Variants in SYNE1 observed in about 807,000 individuals in gnomAD.
The protein encoded by SYNE1 is nesprin-1.
A neutral mutation model predicts 1,111.0 loss-of-function variants in SYNE1; 616 were observed. The ratio of observed to expected loss-of-function variants is 0.55; its 90% confidence interval spans 0.52 to 0.59. The LOEUF (loss-of-function observed/expected upper bound fraction) is 0.59, where lower values mean the gene tolerates loss of function less well. Among genes scored for constraint, SYNE1 ranks in the 20% least tolerant of loss-of-function variants. SYNE1 has a pLI of 0.00. For missense variants in SYNE1, 10,006 were observed against 10,417.0 expected (o/e 0.96, Z 1.72); for synonymous variants, 3,855 against 3,825.8 (o/e 1.01, Z -0.28).
At chr6:152,395,490 G>A in intron 51 of SYNE1, 26 bp downstream of exon 51, 1 of 1,607,620 alleles carries the variant, frequency 6.2e-7, no homozygotes, top group Non-Finnish European at 8.5e-7. Context: ...AAGAGGTAAA[G>A]GACCTGTTCC....
chr6:152,502,663 G>A lies in SYNE1; in HGVS notation c.858C>T (p.His286=). ...AQFLKHYPDI[H]NASTDGQEDD... is the part of the protein sequence containing the mutation. The stretch of plus-strand genomic sequence containing the variant: ...CCTCTTGCCCATCAGTGCTTGCATT[G>A]TGGATGTCAGGATAATGTTTCAGAA... The change falls in exon 10 of 146, where the codon CAC becomes CAT. Residue 286 remains histidine (H), a synonymous_variant. Transcript: ENST00000367255. 1 of 1,613,744 alleles carries A rather than the reference G, an allele frequency of 6.2e-7. No homozygotes were observed. The highest frequency in any genetic ancestry group is 8.5e-7 in the Non-Finnish European group (1 of 1,179,762).
chr6:152,171,348 C>A (rs2065160611), intron 130 of SYNE1, among the ~76,000 whole-genome samples: 1 of 152,172 alleles, frequency 6.6e-6, no homozygotes, highest in African/African-American at 2.4e-5. Context: ...CGTTTTCCAC[C>A]CTATGGTTTA....
In SYNE1 at chr6:152,236,153, A is replaced by T. The variant is rs1046225362; in HGVS notation, c.20350T>A (p.Ser6784Thr). The T allele has an allele frequency of 1.2e-6, 2 of 1,614,164 alleles. No individual in the cohort carries two copies. The change falls in exon 110 of 146, where the codon TCT becomes ACT. Residue 6784 changes from serine (S) to threonine (T), a missense_variant. By Grantham distance (58) the Ser-to-Thr change is moderately conservative. This residue lies in a region of SYNE1 where 2,182 missense variants were observed against 2,287.8 expected (regional missense o/e 0.95). Transcript: ENST00000367255. ...ECWLSNTNKM[S>T]KELHRLETIL... ...GTTTCCAGTCTGTGAAGTTCCTTAG[A>T]CATTTTATTGGTGTTACTTAGCCAG... is the stretch of plus-strand genomic sequence containing the variant.
At chr6:152,253,817 GGTTTTTT>G (rs2090043513) in intron 104 of SYNE1, among the ~76,000 whole-genome samples, 5 of 59,156 alleles carry the variant, frequency 8.5e-5, no homozygotes, top group African/African-American at 4.0e-4. Flanking sequence ...GTAGTGGTTT[GGTTTTTT>G]TTTTTTTTTT....
chr6:152,433,024 T>C (rs1192594851), intron 34 of SYNE1, among the ~76,000 whole-genome samples: 1 of 151,726 alleles, frequency 6.6e-6, no homozygotes, highest in Non-Finnish European at 1.5e-5. Flanking sequence ...TGTGAAATGT[T>C]CCCTCACCTT....
In SYNE1 at chr6:152,228,500, A is replaced by AT. The variant is rs1436030891; in HGVS notation, c.21195+2046_21195+2047insA. Among the ~76,000 whole-genome samples the AT allele has an allele frequency of 6.6e-5, 10 of 152,230 alleles. 1 individual carries two copies. The highest frequency in any genetic ancestry group is 6.5e-4 in the Admixed American group (10 of 15,288). On this transcript the variant is annotated intron_variant, in intron 115 of 145. Transcript: ENST00000367255. ...GAGAAGAAACAAAATGGAAAATGGC[A>AT]GAAAAAGCTATGTTAAAGAGAAGAA...
chr6:152,474,096 A>G (rs2098822129), intron 14 of SYNE1, among the ~76,000 whole-genome samples: 1 of 151,938 alleles, frequency 6.6e-6, no homozygotes, highest in African/African-American at 2.4e-5. Context: ...GAGGCAGGAG[A>G]ATCACTTGAA....
intron 18 of SYNE1, among the ~76,000 whole-genome samples, chr6:152,464,337 T>C (rs2098752330): frequency 6.6e-6 from 1 of 152,168 alleles, no homozygotes; most frequent in Non-Finnish European, 1.5e-5. Context: ...CTTTCCTACA[T>C]ATATAAATAG....
At chr6:152,560,253 C>A (rs1042019005) in intron 3 of SYNE1, among the ~76,000 whole-genome samples, 10 of 152,126 alleles carry the variant, frequency 6.6e-5, no homozygotes, top group Admixed American at 5.9e-4. Context: ...ATAGTCCCAG[C>A]TACTCGGGAG....
intron 126 of SYNE1, among the ~76,000 whole-genome samples, chr6:152,202,380 A>AAAAAGCAAAAAAAG (rs2075677755): frequency 2.7e-5 from 4 of 149,062 alleles, no homozygotes; most frequent in African/African-American, 1.0e-4. Flanking sequence ...GCAAAAAAAA[A>AAAAAGCAAAAAAAG]AAAGAACAAA....
intron 128 of SYNE1, among the ~76,000 whole-genome samples, chr6:152,188,957 CAAAAAAAAAAAA>C (rs1159424311): frequency 1.8e-4 from 9 of 49,088 alleles, no homozygotes; most frequent in South Asian, 9.3e-4. Context: ...GACTCTGTCT[CAAAAAAAAAAAA>C]AAAAAAAAAA....
At chr6:152,445,375 C>G (rs992171020) in intron 29 of SYNE1, among the ~76,000 whole-genome samples, 2 of 152,018 alleles carry the variant, frequency 1.3e-5, no homozygotes, top group African/African-American at 4.8e-5. Context: ...TCTTCCTTAT[C>G]ATTTCCCTAA....
chr6:152,529,443 C>T (rs2099185064), intron 4 of SYNE1, among the ~76,000 whole-genome samples: 1 of 152,098 alleles, frequency 6.6e-6, no homozygotes, highest in South Asian at 2.1e-4. Context: ...ATGGCAGTGA[C>T]CTAGGGACTA....
chr6:152,391,672 C>T (rs958373230), intron 51 of SYNE1, 104 bp from the exon 52 acceptor site: 1 of 1,337,622 alleles, frequency 7.5e-7, no homozygotes, highest in Non-Finnish European at 1.0e-6. Context: ...TAACCAGACA[C>T]AGGCTCATAG....
intron 3 of SYNE1, among the ~76,000 whole-genome samples, chr6:152,603,972 A>T (rs2099604156): frequency 6.7e-6 from 1 of 149,044 alleles, no homozygotes; most frequent in African/African-American, 2.5e-5. Context: ...AAATATGTAT[A>T]TCTCTATATC....
chr6:152,230,685 GCCTT>G lies in SYNE1; in HGVS notation c.21053_21056del (p.Glu7018AlafsTer16). On this transcript the variant is annotated frameshift_variant, in exon 115 of 146. Coordinates refer to ENST00000367255, the MANE Select transcript of SYNE1 (RefSeq NM_182961.4). LOFTEE classifies it high-confidence loss of function. ...CATATTCTGACCAAGATTCCAATAA[GCCTT>G]CCAACAGCTGGATCTGAACAAACAC... is the stretch of plus-strand genomic sequence containing the variant. 1 of 1,613,878 alleles carries G rather than the reference GCCTT, an allele frequency of 6.2e-7. No individual in the cohort carries two copies. Among genetic ancestry groups the G allele is most frequent in the Non-Finnish European group, 8.5e-7 (1 of 1,179,926 alleles).
chr6:152,271,208 G>A (rs550729463), intron 98 of SYNE1, among the ~76,000 whole-genome samples: 19 of 152,174 alleles, frequency 1.2e-4, no homozygotes, highest in African/African-American at 4.6e-4. Flanking sequence ...TAGGGAAATA[G>A]ATGGGATCTG....
intron 87 of SYNE1, among the ~76,000 whole-genome samples, chr6:152,314,916 A>C (rs1243618555): frequency 2.3e-5 from 3 of 132,888 alleles, no homozygotes; most frequent in East Asian, 5.3e-4. Flanking sequence ...GGCTCACTGC[A>C]ATGATGACGA....
chr6:152,494,273 T>A (rs776852390), intron 11 of SYNE1, among the ~76,000 whole-genome samples: 8 of 152,208 alleles, frequency 5.3e-5, no homozygotes, highest in Non-Finnish European at 1.2e-4. Context: ...TCAACTGTAC[T>A]CACTATTTGT....
Sources: gnomAD v4.1 joint callset for allele counts (sites outside exome capture counted in the v4.1 genomes callset) on GRCh38, gnomAD v4.1.1 for gene constraint, gnomAD v4.1.1 regional missense constraint, MANE v1.5 for transcripts, NCBI Gene and HGNC (gene_info 2026-07-23, HGNC 2026-07-21) for gene names.